The following CTDP1 variants were observed in gnomAD, a reference collection of about 807,000 sequenced individuals.
CTDP1 encodes the protein CTD phosphatase 1.
A neutral mutation model predicts 91.8 loss-of-function variants in CTDP1; 47 were observed. That is an observed-to-expected ratio of 0.51 (90% CI 0.41 to 0.65). The LOEUF is 0.65. Ranked by LOEUF, CTDP1 falls within the 30% of genes least tolerant of loss-of-function variation. CTDP1 has a pLI of 0.00. For synonymous variants in CTDP1, 656 were observed against 598.5 expected (o/e 1.10, Z -1.40); for missense variants, 1,272 against 1,373.7 (o/e 0.93, Z 1.17).
chr18:79,746,933 T>C (rs570539006), intron 12 of CTDP1, among the ~76,000 whole-genome samples: 1 of 152,298 alleles, frequency 6.6e-6, no homozygotes, highest in Non-Finnish European at 1.5e-5. Context: ...CCACTGTGCC[T>C]ACCGTGCCTA....
chr18:79,684,063 G>A (rs1002742186), intron 1 of CTDP1, among the ~76,000 whole-genome samples: 30 of 152,232 alleles, frequency 2.0e-4, no homozygotes, highest in African/African-American at 6.5e-4. Context: ...AGCAGACAGC[G>A]GCAGCAGCCT....
At chr18:79,742,196 G>C in intron 12 of CTDP1, among the ~76,000 whole-genome samples, 1 of 141,944 alleles carries the variant, frequency 7.0e-6, no homozygotes, top group African/African-American at 3.0e-5. Flanking sequence ...GAGAGAGAGA[G>C]AGAGAGAGAG....
intron 10 of CTDP1, among the ~76,000 whole-genome samples, chr18:79,727,106 C>G (rs1433018518): frequency 6.6e-6 from 1 of 152,098 alleles, no homozygotes; most frequent in African/African-American, 2.4e-5. Flanking sequence ...CTCATTGCTG[C>G]CGGTGGGGTT....
At position 79,712,960 on chromosome 18, in the gene CTDP1, T is replaced by C; in HGVS notation, c.864-12T>C. 6.2e-7 allele frequency: 1 copy of C among 1,613,652 alleles called. No individual in the cohort carries two copies. The highest frequency in any genetic ancestry group is 1.1e-5 in the South Asian group (1 of 91,062). On this transcript the variant is annotated splice_polypyrimidine_tract_variant and intron_variant, in intron 6 of 12. Transcript: ENST00000613122. ...TTATTATTTTTTGTAAATTATGCAT[T>C]TTCACTTGTAGAAATCTCTTTCCTT...
At chr18:79,706,620 G>T (rs1027439512) in intron 5 of CTDP1, among the ~76,000 whole-genome samples, 1 of 151,966 alleles carries the variant, frequency 6.6e-6, no homozygotes, top group Non-Finnish European at 1.5e-5. Flanking sequence ...TTTACATACC[G>T]TTCTTTTCAC....
intron 1 of CTDP1, among the ~76,000 whole-genome samples, chr18:79,695,010 C>T (rs1426451064): frequency 6.6e-6 from 1 of 151,972 alleles, no homozygotes; most frequent in Non-Finnish European, 1.5e-5. Context: ...GGTGTGGTGG[C>T]GTGTCATTTT....
Position 79,724,357 on chromosome 18 carries a change from A to G in CTDP1, c.2418-4550A>G, listed in dbSNP as rs114278562. Among the ~76,000 whole-genome samples the G allele has an allele frequency of 9.1e-4, 138 of 152,354 alleles. 1 individual carries two copies. The highest frequency in any genetic ancestry group is 3.1e-3 in the African/African-American group (129 of 41,574). On this transcript the variant is annotated intron_variant, in intron 10 of 12. Coordinates refer to ENST00000613122, the MANE Select transcript of CTDP1 (RefSeq NM_004715.5). ...GTGGTAGATACAGTTGCTAAATTGG[A>G]TGGTGAGTGTGTGTTTAGCTTTTTA...
chr18:79,749,837 GT>G (rs2086960509), intron 12 of CTDP1: 1 of 152,360 alleles, frequency 6.6e-6, no homozygotes, highest in Admixed American at 6.5e-5. Context: ...TGGGAGCCGG[GT>G]TTTCCCGGAA....
chr18:79,705,593 G>A (rs1016827994), intron 5 of CTDP1, among the ~76,000 whole-genome samples: 9 of 151,610 alleles, frequency 5.9e-5, no homozygotes, highest in Admixed American at 4.6e-4. Flanking sequence ...AGTGCGGGAC[G>A]GCGACCGTCT....
At chr18:79,684,258 C>T (rs908140617) in intron 1 of CTDP1, among the ~76,000 whole-genome samples, 1 of 152,216 alleles carries the variant, frequency 6.6e-6, no homozygotes, top group Non-Finnish European at 1.5e-5. Context: ...GAGCAGACTA[C>T]GCGCTGCTCC....
intron 3 of CTDP1, among the ~76,000 whole-genome samples, chr18:79,696,956 C>G (rs2085761014): frequency 6.6e-6 from 1 of 152,198 alleles, no homozygotes; most frequent in South Asian, 2.1e-4. Flanking sequence ...AAAACACTTT[C>G]CAGTGTTACG....
At position 79,710,444 on chromosome 18, in the gene CTDP1, C is replaced by T; in HGVS notation, c.863+8C>T. ...TAAAACGGGAAACCTTAGGTATGTACCCAGCCGCGCTCCTCACAAAGACCT... is the reference window on the plus strand; with the variant it reads ...TAAAACGGGAAACCTTAGGTATGTATCCAGCCGCGCTCCTCACAAAGACCT... On this transcript the variant is annotated splice_region_variant and intron_variant, in intron 6 of 12. Transcript: ENST00000613122. 6.3e-7 allele frequency: 1 copy of T among 1,591,624 alleles called. No individual in the cohort carries two copies. The highest frequency in any genetic ancestry group is 8.6e-7 in the Non-Finnish European group (1 of 1,159,578).
At chr18:79,702,275 C>T (rs1250716262) in intron 4 of CTDP1, among the ~76,000 whole-genome samples, 1 of 152,220 alleles carries the variant, frequency 6.6e-6, no homozygotes, top group Admixed American at 6.5e-5. Flanking sequence ...CAGCAGCCAT[C>T]AGCATCAAGG....
intron 11 of CTDP1, among the ~76,000 whole-genome samples, chr18:79,734,613 G>A (rs909660719): frequency 6.6e-6 from 1 of 151,856 alleles, no homozygotes; most frequent in Non-Finnish European, 1.5e-5. Flanking sequence ...CGGGTCCGTG[G>A]GCTGCCGTGC....
chr18:79,730,588 G>A (rs1472517893), intron 11 of CTDP1, among the ~76,000 whole-genome samples: 1 of 152,222 alleles, frequency 6.6e-6, no homozygotes, highest in East Asian at 1.9e-4. Flanking sequence ...GTAGCTCTTT[G>A]GGAACAAATG....
At chr18:79,709,217 A>C (rs1045919136) in intron 5 of CTDP1, among the ~76,000 whole-genome samples, 1 of 152,248 alleles carries the variant, frequency 6.6e-6, no homozygotes, top group African/African-American at 2.4e-5. Flanking sequence ...TACTTCTACA[A>C]ACTGAAATAT....
chr18:79,678,023 T>C (rs1485354708), upstream of CTDP1: 3 of 152,096 alleles, frequency 2.0e-5, no homozygotes, highest in South Asian at 2.1e-4. Flanking sequence ...GTCACGAGGG[T>C]AGGGGCTGGA....
chr18:79,707,688 G>T (rs946805217), intron 5 of CTDP1, among the ~76,000 whole-genome samples: 1 of 152,206 alleles, frequency 6.6e-6, no homozygotes, highest in Non-Finnish European at 1.5e-5. Flanking sequence ...GCCCAGCAAC[G>T]CAGGAGGAAG....
chr18:79,744,519 A>G (rs1191757446), intron 12 of CTDP1, among the ~76,000 whole-genome samples: 1 of 152,236 alleles, frequency 6.6e-6, no homozygotes, highest in African/African-American at 2.4e-5. Flanking sequence ...GAGTGGATGG[A>G]CAACTGGGTC....
Sources: allele counts gnomAD v4.1 joint callset (sites outside exome capture counted in the v4.1 genomes callset), GRCh38; gene constraint gnomAD v4.1.1; transcripts MANE v1.5; gene names NCBI Gene and HGNC (gene_info 2026-07-23, HGNC 2026-07-21).